The following KHNYN variants were observed in gnomAD, a reference collection of about 807,000 sequenced individuals.
KHNYN encodes KH and NYN domain containing.
In KHNYN, 42 loss-of-function variants were observed where a neutral mutation model predicts 62.7. That is an observed-to-expected ratio of 0.67 (90% CI 0.52 to 0.87). The LOEUF (loss-of-function observed/expected upper bound fraction) is 0.87, where lower values mean the gene tolerates loss of function less well. Ranked by LOEUF, KHNYN falls within the 40% of genes least tolerant of loss-of-function variation. The pLI, the probability that KHNYN is intolerant of heterozygous loss-of-function variation, is 0.00. For synonymous variants in KHNYN, 347 were observed against 345.6 expected (o/e 1.00, Z -0.04); for missense variants, 829 against 874.1 (o/e 0.95, Z 0.65).
upstream of KHNYN, chr14:24,427,925 G>C (rs776665719): frequency 3.3e-5 from 54 of 1,613,822 alleles, no homozygotes; most frequent in Middle Eastern, 1.6e-4. The surrounding 1 kb of genome is among the most constrained non-coding windows in gnomAD (Gnocchi z 4.4). Flanking sequence ...TGCCTCCCGG[G>C]TCACGTCAGG....
rs766334851 is a variant in KHNYN at position 24,436,378 on chromosome 14, C to T, written c.1686-10C>T. 2.5e-5 allele frequency: 41 copies of T among 1,611,862 alleles called. No homozygotes were observed. The highest frequency in any genetic ancestry group is 3.3e-5 in the South Asian group (3 of 91,046). On this transcript the variant is annotated splice_polypyrimidine_tract_variant and intron_variant, in intron 6 of 7. Coordinates refer to ENST00000553935, the MANE Select transcript of KHNYN (RefSeq NM_015299.3). ...CCCTCTGTGACCACACATTATCTTT[C>T]GCCATCCAGCCTGCTGCCCTTTACC...
At chr14:24,428,847 CA>C (rs965452361), upstream of KHNYN, 3 of 1,612,146 alleles carry the variant, frequency 1.9e-6, no homozygotes, top group Non-Finnish European at 2.5e-6. Flanking sequence ...GCCACTCGCC[CA>C]GGGGGTGCCT....
chr14:24,428,211 G>A (rs958449087), upstream of KHNYN: 12 of 1,580,222 alleles, frequency 7.6e-6, no homozygotes, highest in African/African-American at 8.1e-5. Flanking sequence ...GAGTCCACCC[G>A]GAGGTCAGCT....
chr14:24,436,816 T>C (rs2043212081), intron 7 of KHNYN, among the ~76,000 whole-genome samples: 1 of 152,218 alleles, frequency 6.6e-6, no homozygotes, highest in Admixed American at 6.5e-5. Context: ...GGACTAGAAC[T>C]AGATCATAAT....
rs1250717376 is a variant in KHNYN at position 24,432,052 on chromosome 14, G to T, written c.791G>T (p.Gly264Val). Residue 264 changes from glycine (G) to valine (V), a missense_variant, in exon 3 of 8, where the codon GGT becomes GTT. This residue lies in a region of KHNYN where 559 missense variants were observed against 527.0 expected (regional missense o/e 1.06). Transcript: ENST00000553935. The surrounding 1 kb of genome is among the most constrained non-coding windows in gnomAD (Gnocchi z 5.6). ...AVEKEGGKQG[G>V]PREMDWGWKE... ...GAGAAGGAGGGAGGGAAACAGGGTG[G>T]TCCCAGGGAGATGGATTGGGGGTGG... is the stretch of plus-strand genomic sequence containing the variant. 1.3e-6 allele frequency: 2 copies of T among 1,588,910 alleles called. No homozygotes were observed. The highest frequency in any genetic ancestry group is 2.7e-5 in the African/African-American group (2 of 74,478).
rs113743172 is a variant in KHNYN at position 24,434,428 on chromosome 14, C to T, written c.1577+1396C>T. 2,028 of 950,528 alleles carry T rather than the reference C, an allele frequency of 2.1e-3. 33 individuals are homozygous for T. The African/African-American group carries it at 0.031, about 14-fold the overall frequency. 58.9% of individuals were successfully genotyped at this position (950,528 alleles called of 1,614,324 possible). A position where few individuals can be genotyped will look rare whatever the true frequency, so the allele number is the denominator to read the frequency against. ...ATTTTTTTTTGGTTTGTTTTTGAGA[C>T]GGAGCCTTGCTCTGTCGCCACGCTG... On this transcript the variant is annotated intron_variant, in intron 5 of 7. Transcript: ENST00000553935.
upstream of KHNYN, chr14:24,429,297 G>A: frequency 5.8e-6 from 4 of 692,362 alleles, no homozygotes; most frequent in Non-Finnish European, 1.0e-5. Context: ...GGAGAGAAAG[G>A]AGGGATGAAG....
upstream of KHNYN, among the ~76,000 whole-genome samples, chr14:24,426,195 G>T (rs1368110634): frequency 6.6e-6 from 1 of 152,102 alleles, no homozygotes; most frequent in Non-Finnish European, 1.5e-5. Flanking sequence ...TAATCAAATT[G>T]TCAAAGCATG....
Position 24,432,352 on chromosome 14 carries a change from C to T in KHNYN, c.1091C>T (p.Pro364Leu), listed in dbSNP as rs565335494. 9.9e-6 allele frequency: 16 copies of T among 1,613,990 alleles called. No individual in the cohort carries two copies. The highest frequency in any genetic ancestry group is 6.7e-5 in the African/African-American group (5 of 75,032). ...AGGGTGCCCAGCCCTCCACCTGCACCGGAACCCCCATGGCACTGTGGAGAC... is the reference window on the plus strand; with the variant it reads ...AGGGTGCCCAGCCCTCCACCTGCACTGGAACCCCCATGGCACTGTGGAGAC... ...PPRVPSPPPA[P>L]EPPWHCGDRG... Residue 364 changes from proline (P) to leucine (L), a missense_variant, in exon 3 of 8, where the codon CCG (proline) becomes CTG (leucine). This residue lies in a region of KHNYN where 559 missense variants were observed against 527.0 expected (regional missense o/e 1.06). Transcript: ENST00000553935. This position sits in a 1 kb window ranked among gnomAD's most constrained non-coding sequence, Gnocchi z 5.6.
At chr14:24,436,973 C>T in intron 7 of KHNYN, 63 bp from the exon 8 acceptor site, 2 of 1,555,992 alleles carry the variant, frequency 1.3e-6, no homozygotes, top group Non-Finnish European at 1.7e-6. Context: ...AGAGGGGTGC[C>T]CACTAAGATC....
At chr14:24,428,978 G>A (rs2043056100), upstream of KHNYN, 1 of 1,550,786 alleles carries the variant, frequency 6.4e-7, no homozygotes, top group East Asian at 2.4e-5. Flanking sequence ...GGCCCCCAGG[G>A]CCAGAAGCAC....
At chr14:24,426,856 G>C (rs2043025120), upstream of KHNYN, 1 of 152,426 alleles carries the variant, frequency 6.6e-6, no homozygotes, top group Non-Finnish European at 1.5e-5. Flanking sequence ...AGATAGTGGG[G>C]ATATGCTGGA....
Position 24,439,969 on chromosome 14 carries a change from G to A in KHNYN, c.*2684G>A, listed in dbSNP as rs1015175215. 1 of 796,274 alleles carries A rather than the reference G, an allele frequency of 1.3e-6. No homozygotes were observed. Among genetic ancestry groups the A allele is most frequent in the African/African-American group, 1.7e-5 (1 of 58,340 alleles). The allele number at this position is 796,274 out of a possible 1,614,324, so 49.3% of individuals were successfully genotyped here. ...AACAGAACAATGGGAAAGAGGACTG[G>A]GAGAGGAATCTAAGAACCAGATGGC... On this transcript the variant is annotated 3_prime_UTR_variant, in exon 8 of 8. Coordinates refer to ENST00000553935, the MANE Select transcript of KHNYN (RefSeq NM_015299.3).
chr14:24,428,750 A>T (rs1479248794), upstream of KHNYN: 1 of 1,575,540 alleles, frequency 6.3e-7, no homozygotes. Flanking sequence ...GGGTAGGGGG[A>T]TTACCTGGTC....
At position 24,431,768 on chromosome 14, in the gene KHNYN, G is replaced by A. The variant is rs141571326; in HGVS notation, c.507G>A (p.Gln169=). 54 of 1,614,182 alleles carry A rather than the reference G, an allele frequency of 3.3e-5. No homozygotes were observed. The highest frequency in any genetic ancestry group is 4.3e-5 in the Non-Finnish European group (51 of 1,180,040). Residue 169 remains glutamine, a synonymous_variant, in exon 3 of 8, where the codon CAG becomes CAA. Coordinates refer to ENST00000553935, the MANE Select transcript of KHNYN (RefSeq NM_015299.3). ...GVLRDFSALL[Q]SPGDAHREAL... Reference sequence around the variant, plus strand: ...TGAGAGACTTCTCTGCCCTGCTGCAGTCCCCGGGGGATGCCCATAGAGAGG... The same window carrying A: ...TGAGAGACTTCTCTGCCCTGCTGCAATCCCCGGGGGATGCCCATAGAGAGG...
At chr14:24,434,367 G>A (rs2043172872) in intron 5 of KHNYN, 2 of 985,234 alleles carry the variant, frequency 2.0e-6, no homozygotes, top group Admixed American at 6.1e-5. Context: ...TGCTTAACTG[G>A]AAAATACCAT....
At chr14:24,429,869 G>T, upstream of KHNYN, 1 of 1,013,722 alleles carries the variant, frequency 9.9e-7, no homozygotes, top group Non-Finnish European at 1.2e-6. Flanking sequence ...GGGCCTCTGG[G>T]CGCGGCGGCG....
chr14:24,432,842 C>G lies in KHNYN; in HGVS notation c.1470C>G (p.Ala490=), dbSNP rs1294608668. The stretch of plus-strand genomic sequence containing the variant: ...CTCAGTGGCGCTTCAGTAAGGATGC[C>G]AAAGTCAGAGGTGAGTTGGGCCTGG... The part of the protein sequence containing the change: ...FVPQWRFSKD[A]KVRESHFLQK... The change falls in exon 4 of 8, where the codon GCC becomes GCG. Residue 490 remains alanine (A), a synonymous_variant. Transcript: ENST00000553935. This position sits in a 1 kb window ranked among gnomAD's most constrained non-coding sequence, Gnocchi z 5.6. 6.2e-7 allele frequency: 1 copy of G among 1,614,222 alleles called. No homozygotes were observed. The highest frequency in any genetic ancestry group is 1.1e-5 in the South Asian group (1 of 91,082).
chr14:24,432,014 C>CT lies in KHNYN; in HGVS notation c.753_754insT (p.Thr252TyrfsTer73). On this transcript the variant is annotated frameshift_variant, in exon 3 of 8. Coordinates refer to ENST00000553935, the MANE Select transcript of KHNYN (RefSeq NM_015299.3). LOFTEE classifies it high-confidence loss of function. The surrounding 1 kb of genome is among the most constrained non-coding windows in gnomAD (Gnocchi z 5.6). ...GAGATTGCAGGGGAGCAAGGGGAGACACTTACGCTGTGGAGAAGGAGGGAG... is the reference window on the plus strand; with the variant it reads ...GAGATTGCAGGGGAGCAAGGGGAGACTACTTACGCTGTGGAGAAGGAGGGAG... The CT allele has an allele frequency of 6.2e-7, 1 of 1,608,846 alleles. No homozygotes were observed. Among genetic ancestry groups the CT allele is most frequent in the East Asian group, 2.2e-5 (1 of 44,786 alleles).
Sources: allele counts gnomAD v4.1 joint callset (sites outside exome capture counted in the v4.1 genomes callset), GRCh38; gene constraint gnomAD v4.1.1; regional missense constraint gnomAD v4.1.1; non-coding constraint Gnocchi (gnomAD v3.1); transcripts MANE v1.5; gene names NCBI Gene and HGNC (gene_info 2026-07-23, HGNC 2026-07-21).